NRG3: variants seen among roughly 807,000 people sequenced by gnomAD.
NRG3 encodes neuregulin 3.
Under a neutral mutation model 66.9 loss-of-function variants are expected in NRG3, and 31 were observed. The observed-to-expected ratio is 0.46, with a 90% CI of 0.35 to 0.63. The LOEUF (loss-of-function observed/expected upper bound fraction) is 0.63, where lower values mean the gene tolerates loss of function less well. Ranked by LOEUF, NRG3 falls within the 20% of genes least tolerant of loss-of-function variation. The pLI, the probability that NRG3 is intolerant of heterozygous loss-of-function variation, is 0.00. For missense variants in NRG3, 910 were observed against 878.9 expected, an observed-to-expected ratio of 1.04 and a Z score of -0.45; for synonymous variants, 393 against 359.4, an observed-to-expected ratio of 1.09 and a Z score of -1.06.
intron 1 of NRG3, among the ~76,000 whole-genome samples, chr10:81,953,735 CAT>C (rs1849578502): frequency 6.6e-6 from 1 of 152,168 alleles, no homozygotes; most frequent in Non-Finnish European, 1.5e-5. Flanking sequence ...GAAAATAAAA[CAT>C]ATCACCAGAG....
chr10:82,365,004 G>A (rs984006658), intron 2 of NRG3, among the ~76,000 whole-genome samples: 2 of 152,138 alleles, frequency 1.3e-5, no homozygotes, highest in Admixed American at 1.3e-4. Context: ...CTCTGAGTAG[G>A]TTTTGAAATA....
chr10:82,848,285 G>C (rs1564563189), intron 3 of NRG3, among the ~76,000 whole-genome samples: 1 of 152,168 alleles, frequency 6.6e-6, no homozygotes, highest in Admixed American at 6.5e-5. Flanking sequence ...TCCAACTCTT[G>C]CATCAAGGTA....
At chr10:82,477,282 T>G (rs920696340) in intron 2 of NRG3, among the ~76,000 whole-genome samples, 1 of 151,908 alleles carries the variant, frequency 6.6e-6, no homozygotes, top group Non-Finnish European at 1.5e-5. Flanking sequence ...TCAAGTAGGG[T>G]CTCACGAGCA....
chr10:82,730,742 C>T (rs1002824956), intron 2 of NRG3, among the ~76,000 whole-genome samples: 1 of 152,122 alleles, frequency 6.6e-6, no homozygotes, highest in African/African-American at 2.4e-5. Context: ...AAACCTTATT[C>T]TTTAATCAAT....
intron 2 of NRG3, among the ~76,000 whole-genome samples, chr10:82,734,155 G>C (rs1427793782): frequency 6.6e-6 from 1 of 152,180 alleles, no homozygotes; most frequent in Non-Finnish European, 1.5e-5. Flanking sequence ...TGCTGGTACT[G>C]TTCGCTTTTC....
intron 2 of NRG3, among the ~76,000 whole-genome samples, chr10:82,493,597 C>G (rs557830354): frequency 6.6e-6 from 1 of 152,146 alleles, no homozygotes; most frequent in South Asian, 2.1e-4. Flanking sequence ...ACATACATGT[C>G]CATGTATCTT....
chr10:81,955,193 T>TAC (rs1305168116), intron 1 of NRG3, among the ~76,000 whole-genome samples: 6 of 148,488 alleles, frequency 4.0e-5, no homozygotes, highest in African/African-American at 1.5e-4. Context: ...TATATATATA[T>TAC]ACACACACAC....
chr10:82,539,743 C>G (rs927921994), intron 2 of NRG3, among the ~76,000 whole-genome samples: 1 of 152,010 alleles, frequency 6.6e-6, no homozygotes, highest in Non-Finnish European at 1.5e-5. Context: ...AAGCAATTGT[C>G]TGCCTCAGCC....
At chr10:82,387,328 A>G (rs1271173476) in intron 2 of NRG3, among the ~76,000 whole-genome samples, 1 of 152,210 alleles carries the variant, frequency 6.6e-6, no homozygotes, top group African/African-American at 2.4e-5. Context: ...TTGTATTTTC[A>G]AGGAAAGAAT....
chr10:82,703,759 T>C (rs948872597), intron 2 of NRG3, among the ~76,000 whole-genome samples: 10 of 152,144 alleles, frequency 6.6e-5, no homozygotes, highest in African/African-American at 2.4e-4. Context: ...TTTTCACAAA[T>C]TTATCACACT....
chr10:82,699,559 T>C (rs2055684776), intron 2 of NRG3, among the ~76,000 whole-genome samples: 1 of 152,104 alleles, frequency 6.6e-6, no homozygotes, highest in South Asian at 2.1e-4. Context: ...ATTCTTTTTT[T>C]TTATACTTGA....
chr10:82,863,871 C>T (rs505079), intron 3 of NRG3, among the ~76,000 whole-genome samples: 96,530 of 152,040 alleles, frequency 0.63, 31,614 homozygotes, highest in African/African-American at 0.8. Context: ...TCTGAGCTAC[C>T]TGAGAACAAG....
intron 3 of NRG3, among the ~76,000 whole-genome samples, chr10:82,769,724 C>A (rs2059644818): frequency 1.3e-5 from 2 of 152,026 alleles, no homozygotes; most frequent in African/African-American, 4.8e-5. Context: ...AAAAATCAAG[C>A]CTTTCTTTTC....
At chr10:82,295,928 G>T (rs1256137995) in intron 1 of NRG3, among the ~76,000 whole-genome samples, 1 of 151,774 alleles carries the variant, frequency 6.6e-6, no homozygotes, top group Non-Finnish European at 1.5e-5. Flanking sequence ...CCTATTTTAG[G>T]GAGCTTTAAA....
At chr10:82,039,933 T>C (rs2062955950) in intron 1 of NRG3, among the ~76,000 whole-genome samples, 1 of 152,120 alleles carries the variant, frequency 6.6e-6, no homozygotes, top group African/African-American at 2.4e-5. Flanking sequence ...TGCCATGAAT[T>C]GTGTCAAGTA....
At chr10:82,122,788 A>G (rs959061858) in intron 1 of NRG3, among the ~76,000 whole-genome samples, 4 of 152,172 alleles carry the variant, frequency 2.6e-5, no homozygotes, top group Non-Finnish European at 5.9e-5. Flanking sequence ...CTCATTTTTC[A>G]TGAGTTCTTT....
At chr10:82,727,064 G>A (rs1235412276) in intron 2 of NRG3, among the ~76,000 whole-genome samples, 1 of 152,174 alleles carries the variant, frequency 6.6e-6, no homozygotes, top group Admixed American at 6.5e-5. Context: ...AAGCAGCAAA[G>A]CATTCAAGAG....
intron 2 of NRG3, among the ~76,000 whole-genome samples, chr10:82,698,371 T>A (rs1397305594): frequency 1.3e-5 from 2 of 152,092 alleles, no homozygotes; most frequent in Non-Finnish European, 2.9e-5. Context: ...CAAGACGATA[T>A]GAGTACCCCA....
intron 2 of NRG3, among the ~76,000 whole-genome samples, chr10:82,680,670 G>C (rs1429062277): frequency 6.6e-6 from 1 of 152,098 alleles, no homozygotes; most frequent in East Asian, 1.9e-4. Flanking sequence ...GAGCCGACAG[G>C]GTTGACGTTT....
Sources: gnomAD v4.1 joint callset for allele counts (sites outside exome capture counted in the v4.1 genomes callset) on GRCh38, gnomAD v4.1.1 for gene constraint, MANE v1.5 for transcripts, NCBI Gene and HGNC (gene_info 2026-07-23, HGNC 2026-07-21) for gene names.